The following SLC24A2 variants were observed in gnomAD, a reference collection of about 807,000 sequenced individuals.
SLC24A2 encodes sodium/potassium/calcium exchanger 2.
Under a neutral mutation model 62.0 loss-of-function variants are expected in SLC24A2, and 36 were observed. The observed-to-expected ratio is 0.58, with a 90% CI of 0.44 to 0.77. The LOEUF (loss-of-function observed/expected upper bound fraction) is 0.77. Among genes scored for constraint, SLC24A2 ranks in the 30% least tolerant of loss-of-function variants. SLC24A2 has a pLI of 0.00. For synonymous variants in SLC24A2, 358 were observed against 294.0 expected (o/e 1.22, Z -2.23); for missense variants, 846 against 817.9 (o/e 1.03, Z -0.42).
the SLC24A2 span, among the ~76,000 whole-genome samples, chr9:20,266,621 C>G: frequency 1.3e-5 from 2 of 151,950 alleles, no homozygotes; most frequent in African/African-American, 4.8e-5. Flanking sequence ...AAATTATAAA[C>G]AATGGCATCC....
At chr9:20,007,361 G>A in the SLC24A2 span, among the ~76,000 whole-genome samples, 9 of 152,112 alleles carry the variant, frequency 5.9e-5, no homozygotes, top group Admixed American at 1.3e-4. Context: ...AGGGTGAAAA[G>A]GTGCATTGAT....
the SLC24A2 span, among the ~76,000 whole-genome samples, chr9:20,123,289 G>C: frequency 6.6e-6 from 1 of 152,036 alleles, no homozygotes; most frequent in Non-Finnish European, 1.5e-5. Flanking sequence ...CCTCCCAAAG[G>C]CCCCACTGCC....
chr9:20,056,238 A>G, the SLC24A2 span, among the ~76,000 whole-genome samples: 14 of 152,338 alleles, frequency 9.2e-5, no homozygotes, highest in African/African-American at 3.1e-4. Context: ...GTACATGTAT[A>G]TATTCATGAA....
At chr9:19,974,372 T>C in the SLC24A2 span, among the ~76,000 whole-genome samples, 42 of 152,336 alleles carry the variant, frequency 2.8e-4, no homozygotes, top group African/African-American at 8.7e-4. Context: ...TTTTAAGGTC[T>C]GTACTCCAAG....
chr9:20,023,952 G>A, the SLC24A2 span, among the ~76,000 whole-genome samples: 4 of 152,206 alleles, frequency 2.6e-5, no homozygotes, highest in African/African-American at 9.6e-5. Flanking sequence ...GGAACATGGT[G>A]CTCAGGCATA....
At chr9:20,073,054 A>G in the SLC24A2 span, among the ~76,000 whole-genome samples, 1 of 152,210 alleles carries the variant, frequency 6.6e-6, no homozygotes, top group Non-Finnish European at 1.5e-5. Flanking sequence ...ATTACAAATG[A>G]TCACAAATGC....
chr9:20,063,653 TAAAAATA>T, the SLC24A2 span, among the ~76,000 whole-genome samples: 2 of 151,638 alleles, frequency 1.3e-5, no homozygotes, highest in Non-Finnish European at 2.9e-5. Context: ...AATAAAAAAA[TAAAAATA>T]AAAGACTTGT....
At chr9:19,889,361 T>A in the SLC24A2 span, among the ~76,000 whole-genome samples, 1 of 135,274 alleles carries the variant, frequency 7.4e-6, no homozygotes, top group African/African-American at 2.7e-5. Flanking sequence ...TGGTGTTCCA[T>A]AAATTGTAAT....
the SLC24A2 span, among the ~76,000 whole-genome samples, chr9:20,025,659 T>A: frequency 1.3e-5 from 2 of 152,066 alleles, no homozygotes; most frequent in African/African-American, 4.8e-5. Flanking sequence ...CTTAAAAAGG[T>A]TCTGCTATAG....
At chr9:19,608,201 T>A (rs543007933) in intron 4 of SLC24A2, among the ~76,000 whole-genome samples, 1 of 152,286 alleles carries the variant, frequency 6.6e-6, no homozygotes, top group African/African-American at 2.4e-5. Context: ...AAATTTAAGA[T>A]AGAAAGATTA....
the SLC24A2 span, among the ~76,000 whole-genome samples, chr9:20,254,092 A>T: frequency 1.3e-5 from 2 of 152,350 alleles, no homozygotes; most frequent in African/African-American, 4.8e-5. Flanking sequence ...TAGCTTTCAG[A>T]ATTCAGACCT....
At chr9:19,519,349 T>TTGTG (rs10640008) in intron 10 of SLC24A2, among the ~76,000 whole-genome samples, 5,775 of 147,606 alleles carry the variant, frequency 0.039, 209 homozygotes, top group African/African-American at 0.098. Context: ...TTAAACTTCC[T>TTGTG]TGTGTGTGTG....
chr9:19,785,803 A>T (rs1227711335), intron 2 of SLC24A2, 134 bp downstream of exon 2: 7 of 1,172,066 alleles, frequency 6.0e-6, no homozygotes, highest in Non-Finnish European at 7.5e-6. Flanking sequence ...TAGCTATCAC[A>T]GAACTGCAGA....
At chr9:20,161,345 G>C in the SLC24A2 span, among the ~76,000 whole-genome samples, 2 of 151,436 alleles carry the variant, frequency 1.3e-5, no homozygotes, top group East Asian at 2.0e-4. Flanking sequence ...AATTGTTTTA[G>C]AGCACAGAAA....
At position 19,515,090 on chromosome 9, in the gene SLC24A2, G is replaced by C. The variant is rs535601133; in HGVS notation, c.*1063C>G. On this transcript the variant is annotated 3_prime_UTR_variant, in exon 11 of 11. Transcript: ENST00000341998. ...CCTTAGCATCAAAATATATCTACAT[G>C]ACAATCACAGCTAAACTTACCCCTC... 1 of 152,156 alleles carries C rather than the reference G, an allele frequency of 6.6e-6. No individual in the cohort carries two copies. Among genetic ancestry groups the C allele is most frequent in the South Asian group, 2.1e-4 (1 of 4,818 alleles). 9.4% of individuals were successfully genotyped at this position (152,156 alleles called of 1,614,324 possible).
At chr9:20,076,859 ATG>A in the SLC24A2 span, among the ~76,000 whole-genome samples, 2 of 27,530 alleles carry the variant, frequency 7.3e-5, no homozygotes, top group East Asian at 3.8e-4. Flanking sequence ...TACATATCAT[ATG>A]TATATATATA....
chr9:20,151,728 A>G, the SLC24A2 span, among the ~76,000 whole-genome samples: 1 of 151,820 alleles, frequency 6.6e-6, no homozygotes, highest in Non-Finnish European at 1.5e-5. Context: ...TACCCACTAT[A>G]GATAACTAAG....
chr9:19,867,760 T>C, the SLC24A2 span, among the ~76,000 whole-genome samples: 1 of 152,006 alleles, frequency 6.6e-6, no homozygotes, highest in African/African-American at 2.4e-5. Flanking sequence ...ATACAAAAAT[T>C]AGCTGGGCGT....
At chr9:19,606,197 T>A (rs1045676320) in intron 4 of SLC24A2, among the ~76,000 whole-genome samples, 10 of 152,130 alleles carry the variant, frequency 6.6e-5, no homozygotes, top group African/African-American at 2.4e-4. Flanking sequence ...TATGGAAATG[T>A]GTTGCATGAA....
Sources: gnomAD v4.1 joint callset for allele counts (sites outside exome capture counted in the v4.1 genomes callset) on GRCh38, gnomAD v4.1.1 for gene constraint, MANE v1.5 for transcripts, NCBI Gene and HGNC (gene_info 2026-07-23, HGNC 2026-07-21) for gene names.